The following EPB41L1 variants were observed in gnomAD, a reference collection of about 807,000 sequenced individuals.
The protein encoded by EPB41L1 is erythrocyte membrane protein band 4.1 like 1.
EPB41L1 carries 29 observed loss-of-function variants against 97.8 expected under a neutral mutation model. That is an observed-to-expected ratio of 0.30 (90% CI 0.22 to 0.40). The LOEUF (loss-of-function observed/expected upper bound fraction) is 0.40. Among genes scored for constraint, EPB41L1 ranks in the 10% least tolerant of loss-of-function variants. The pLI is 1.00. For missense variants in EPB41L1, 812 were observed against 1,162.3 expected (o/e 0.70, Z 4.38); for synonymous variants, 383 against 459.2 (o/e 0.83, Z 2.12).
intron 21 of EPB41L1, among the ~76,000 whole-genome samples, chr20:36,226,506 A>T (rs1343719577): frequency 6.6e-6 from 1 of 152,158 alleles, no homozygotes; most frequent in Non-Finnish European, 1.5e-5. Context: ...AACATGATGG[A>T]TTGATTAGAG....
intron 2 of EPB41L1, among the ~76,000 whole-genome samples, chr20:36,143,137 TTGTGTGTGTGTGTGTGTGTG>T (rs59256378): frequency 7.7e-6 from 1 of 130,710 alleles, no homozygotes; most frequent in African/African-American, 2.8e-5. Context: ...GAGGGTGTGT[TTGTGTGTGTGTGTGTGTGTG>T]TGTGTGTGTG....
intron 2 of EPB41L1, among the ~76,000 whole-genome samples, chr20:36,147,731 G>A (rs1416853234): frequency 2.0e-5 from 3 of 152,146 alleles, no homozygotes; most frequent in African/African-American, 7.2e-5. Flanking sequence ...TGGGACCAGG[G>A]ACACACACAC....
At chr20:36,188,757 A>G (rs2061808665) in intron 9 of EPB41L1, among the ~76,000 whole-genome samples, 1 of 151,834 alleles carries the variant, frequency 6.6e-6, no homozygotes, top group African/African-American at 2.4e-5. Context: ...AGGAAGGTGG[A>G]TCACATGAGG....
At chr20:36,138,789 G>A (rs1425456200) in intron 2 of EPB41L1, among the ~76,000 whole-genome samples, 3 of 152,278 alleles carry the variant, frequency 2.0e-5, no homozygotes, top group South Asian at 2.1e-4. Context: ...TTGACCTGCC[G>A]CCAAAGCCTT....
At position 36,212,337 on chromosome 20, in the gene EPB41L1, C is replaced by T. The variant is rs773487612; in HGVS notation, c.2145C>T (p.Ala715=). Residue 715 remains alanine (A), a synonymous_variant, in exon 16 of 22, where the codon GCC becomes GCT. Transcript: ENST00000338074. This position sits in a 1 kb window ranked among gnomAD's most constrained non-coding sequence, Gnocchi z 4.8. ...LAIRKKIEPE[A]VLQTRVSAMD... ...TTAGAAAGAAGATTGAGCCGGAGGC[C>T]GTACTGCAGACCAGAGTCTCCGCTA... The T allele has an allele frequency of 9.3e-6, 15 of 1,614,054 alleles. No individual in the cohort carries two copies. The highest frequency in any genetic ancestry group is 8.9e-5 in the East Asian group (4 of 44,894).
intron 2 of EPB41L1, among the ~76,000 whole-genome samples, chr20:36,139,740 A>ATTTATTTATTTATTTTTTTT (rs943742073): frequency 9.2e-5 from 14 of 151,646 alleles, no homozygotes; most frequent in African/African-American, 3.4e-4. Context: ...TTATTTATTT[A>ATTTATTTATTTATTTTTTTT]TTTTTTTTAA....
At chr20:36,137,588 G>C (rs777803274) in intron 2 of EPB41L1, among the ~76,000 whole-genome samples, 1 of 151,876 alleles carries the variant, frequency 6.6e-6, no homozygotes, top group Non-Finnish European at 1.5e-5. Context: ...GCAATGGCGC[G>C]ATCTTGGCTC....
intron 17 of EPB41L1, among the ~76,000 whole-genome samples, chr20:36,216,696 G>A (rs763767398): frequency 6.6e-6 from 1 of 152,200 alleles, no homozygotes; most frequent in African/African-American, 2.4e-5. Context: ...AATCCAGCTT[G>A]AAGAAGGGAA....
chr20:36,105,572 A>T (rs2147533359), intron 1 of EPB41L1, among the ~76,000 whole-genome samples: 1 of 152,198 alleles, frequency 6.6e-6, no homozygotes, highest in South Asian at 2.1e-4. Flanking sequence ...CCTTGATTTC[A>T]TGGAACTTAT....
intron 2 of EPB41L1, among the ~76,000 whole-genome samples, chr20:36,175,053 T>G (rs2061166049): frequency 6.6e-6 from 1 of 152,162 alleles, no homozygotes; most frequent in Admixed American, 6.5e-5. Context: ...GGCAGGGACT[T>G]GGCCAAGATC....
intron 21 of EPB41L1, among the ~76,000 whole-genome samples, chr20:36,225,204 C>A (rs1176593369): frequency 6.6e-6 from 1 of 152,234 alleles, no homozygotes. Flanking sequence ...GTAGGTTGGC[C>A]ATGGGCGGAG....
In EPB41L1 at chr20:36,204,471, C is replaced by CTT. The variant is rs765673962; in HGVS notation, c.1669-4992_1669-4991dup. Reference sequence around the variant, plus strand: ...GGCCTAACAGTGCTGCGATCTGGTGCTTTTTTTTTTTTTTTTTTTTTTTTT... The same window carrying CTT: ...GGCCTAACAGTGCTGCGATCTGGTGCTTTTTTTTTTTTTTTTTTTTTTTTTTT... On this transcript the variant is annotated intron_variant, in intron 14 of 21. Coordinates refer to ENST00000338074, the MANE Select transcript of EPB41L1 (RefSeq NM_012156.2). 2.2e-3 allele frequency among the ~76,000 whole-genome samples: 198 copies of CTT among 90,600 alleles called. 26 individuals are homozygous for CTT. The highest frequency in any genetic ancestry group is 9.7e-3 in the African/African-American group (168 of 17,386). 59.4% of individuals were successfully genotyped at this position (90,600 alleles called of 152,430 possible). A position where few individuals can be genotyped will look rare whatever the true frequency, so the allele number is the denominator to read the frequency against.
intron 7 of EPB41L1, among the ~76,000 whole-genome samples, chr20:36,186,821 T>C (rs963353989): frequency 3.9e-5 from 6 of 152,176 alleles, no homozygotes; most frequent in Non-Finnish European, 7.3e-5. Flanking sequence ...CGTGTCCAAG[T>C]ATCCCACACA....
intron 2 of EPB41L1, among the ~76,000 whole-genome samples, chr20:36,126,129 T>C (rs950634992): frequency 1.3e-5 from 2 of 152,142 alleles, no homozygotes; most frequent in Non-Finnish European, 2.9e-5. Flanking sequence ...CTCTTTTATC[T>C]GACTCTCTGT....
chr20:36,123,061 A>T (rs1453527819), intron 2 of EPB41L1, among the ~76,000 whole-genome samples: 3 of 151,964 alleles, frequency 2.0e-5, no homozygotes. Flanking sequence ...TGGTTCAAGC[A>T]GAAGGAGAGA....
At chr20:36,222,125 A>T (rs1260614762) in intron 20 of EPB41L1, among the ~76,000 whole-genome samples, 153 bp from the exon 21 acceptor site, 5 of 152,184 alleles carry the variant, frequency 3.3e-5, no homozygotes, top group Admixed American at 6.5e-5. Flanking sequence ...GAGCCAGAAG[A>T]CCTGAGCTCT....
chr20:36,212,344 C>T lies in EPB41L1; in HGVS notation c.2152C>T (p.Gln718Ter). 6.2e-7 allele frequency: 1 copy of T among 1,614,206 alleles called. No homozygotes were observed. The highest frequency in any genetic ancestry group is 1.1e-5 in the South Asian group (1 of 91,082). Reference sequence around the variant, plus strand: ...GAAGATTGAGCCGGAGGCCGTACTGCAGACCAGAGTCTCCGCTATGGATAA... The same window carrying T: ...GAAGATTGAGCCGGAGGCCGTACTGTAGACCAGAGTCTCCGCTATGGATAA... ...RKKIEPEAVL[Q>*]TRVSAMDNTQ... is the part of the protein sequence containing the mutation. The change falls in exon 16 of 22, where the codon CAG (glutamine) becomes TAG (stop). Residue 718 changes from glutamine to a stop codon, truncating the protein, a stop_gained. Coordinates refer to ENST00000338074, the MANE Select transcript of EPB41L1 (RefSeq NM_012156.2). LOFTEE classifies it high-confidence loss of function. The surrounding 1 kb of genome is among the most constrained non-coding windows in gnomAD (Gnocchi z 4.8).
rs2057684019 is a variant in EPB41L1 at position 36,092,382 on chromosome 20, C to A, written c.-65+770C>A. Among the ~76,000 whole-genome samples the A allele has an allele frequency of 1.3e-5, 2 of 152,034 alleles. No homozygotes were observed. The highest frequency in any genetic ancestry group is 3.9e-4 in the East Asian group (2 of 5,156). ...CGCCGCAGCTCAGGTTGACGCCGGG[C>A]CCACGTGGGGAAGCCGGCGGCGGGT... On this transcript the variant is annotated intron_variant, in intron 1 of 19. Transcript: ENST00000202028. The surrounding 1 kb of genome is among the most constrained non-coding windows in gnomAD (Gnocchi z 7.0).
intron 1 of EPB41L1, among the ~76,000 whole-genome samples, chr20:36,164,305 G>T (rs2060648655): frequency 6.6e-6 from 1 of 152,214 alleles, no homozygotes; most frequent in Admixed American, 6.5e-5. Context: ...TAGGGAGATG[G>T]GAGAGACATG....
Sources: allele counts gnomAD v4.1 joint callset (sites outside exome capture counted in the v4.1 genomes callset), GRCh38; gene constraint gnomAD v4.1.1; non-coding constraint Gnocchi (gnomAD v3.1); transcripts MANE v1.5; gene names NCBI Gene and HGNC (gene_info 2026-07-23, HGNC 2026-07-21).